Variants in RBM6 observed in about 807,000 individuals in gnomAD.
RBM6 encodes the protein RNA-binding protein 6.
In RBM6, 23 loss-of-function variants were observed where a neutral mutation model predicts 140.4. The ratio of observed to expected loss-of-function variants is 0.16; its 90% CI spans 0.12 to 0.23. The LOEUF is 0.23. RBM6 is among the 10% of genes least tolerant of loss of function. The pLI is 1.00. For missense variants in RBM6, 1,139 were observed against 1,386.7 expected, an observed-to-expected ratio of 0.82 and a Z score of 2.84; for synonymous variants, 439 against 475.6, an observed-to-expected ratio of 0.92 and a Z score of 1.00.
intron 5 of RBM6, among the ~76,000 whole-genome samples, chr3:49,994,547 G>GA (rs749192252): frequency 2.0e-5 from 3 of 152,096 alleles, no homozygotes; most frequent in Non-Finnish European, 4.4e-5. Flanking sequence ...ATGGAATTAG[G>GA]AAAACAGGAC....
At chr3:50,061,067 TC>T in intron 12 of RBM6, 69 bp downstream of exon 12, 1 of 1,607,756 alleles carries the variant, frequency 6.2e-7, no homozygotes, top group East Asian at 2.2e-5. Flanking sequence ...TCTTGAATTT[TC>T]TTTAGTGGGT....
At chr3:49,983,905 A>G (rs2085423671) in intron 5 of RBM6, among the ~76,000 whole-genome samples, 1 of 152,218 alleles carries the variant, frequency 6.6e-6, no homozygotes, top group South Asian at 2.1e-4. Context: ...TCAGTGCTGC[A>G]GGGATCAGGT....
intron 6 of RBM6, among the ~76,000 whole-genome samples, chr3:50,038,115 GC>G (rs1446759947): frequency 8.6e-5 from 13 of 151,902 alleles, no homozygotes; most frequent in Admixed American, 5.3e-4. Context: ...AGCCACCGCT[GC>G]CGGTTCCAAT....
chr3:50,001,700 T>C (rs925888761), intron 6 of RBM6, among the ~76,000 whole-genome samples: 3 of 152,152 alleles, frequency 2.0e-5, no homozygotes, highest in Non-Finnish European at 4.4e-5. Flanking sequence ...ATGCCAATTT[T>C]GGAGAGAAGA....
intron 18 of RBM6, 56 bp downstream of exon 18, chr3:50,068,820 T>C (rs1311344787): frequency 6.8e-6 from 10 of 1,470,202 alleles, no homozygotes; most frequent in South Asian, 3.4e-5. Flanking sequence ...CTTTCTGATA[T>C]AGACTTCATA....
chr3:50,060,630 T>C (rs1029144685), intron 11 of RBM6, among the ~76,000 whole-genome samples: 9 of 151,632 alleles, frequency 5.9e-5, no homozygotes, highest in Non-Finnish European at 4.4e-5. Flanking sequence ...GGTGGGCACC[T>C]GTAGTCCCAG....
At chr3:49,941,828 A>G (rs2083295577) in intron 1 of RBM6, among the ~76,000 whole-genome samples, 1 of 151,572 alleles carries the variant, frequency 6.6e-6, no homozygotes, top group Non-Finnish European at 1.5e-5. Flanking sequence ...TTGGCCTCCC[A>G]AAGTGCTGGG....
chr3:50,076,697 C>G (rs2090470723), intron 20 of RBM6, among the ~76,000 whole-genome samples: 1 of 151,930 alleles, frequency 6.6e-6, no homozygotes, highest in South Asian at 2.1e-4. Context: ...ACCAGCCTGG[C>G]CAACATGGCG....
At chr3:49,991,997 G>C (rs1011742207) in intron 5 of RBM6, among the ~76,000 whole-genome samples, 1 of 151,400 alleles carries the variant, frequency 6.6e-6, no homozygotes, top group African/African-American at 2.4e-5. Context: ...TGTAGCCCAG[G>C]CTGAAATGCA....
chr3:50,015,196 C>G (rs1471248832), intron 6 of RBM6, among the ~76,000 whole-genome samples: 1 of 151,292 alleles, frequency 6.6e-6, no homozygotes, highest in African/African-American at 2.4e-5. Flanking sequence ...AACCCCCCGC[C>G]TGCCAGGTTC....
chr3:49,984,618 ATCGCATCG>A (rs1559552752), intron 5 of RBM6, among the ~76,000 whole-genome samples: 5,576 of 148,682 alleles, frequency 0.038, 391 homozygotes, highest in African/African-American at 0.13. Flanking sequence ...ATCACATCGC[ATCGCATCG>A]CATCGCATCG....
intron 6 of RBM6, among the ~76,000 whole-genome samples, chr3:50,036,972 G>T (rs1452678362): frequency 6.6e-6 from 1 of 151,876 alleles, no homozygotes. Flanking sequence ...TTTTAGTAGA[G>T]ACGGGGCTTC....
chr3:49,975,335 T>G lies in RBM6; in HGVS notation c.1426T>G (p.Phe476Val). The G allele has an allele frequency of 6.2e-7, 1 of 1,613,286 alleles. No homozygotes were observed. The highest frequency in any genetic ancestry group is 8.5e-7 in the Non-Finnish European group (1 of 1,179,204). ...DATKEEILNAFRTPDGMPVKN... is the reference protein window; with the variant it reads ...DATKEEILNAVRTPDGMPVKN... ...CATATTTTTGCAGATTCTTAATGCT[T>G]TTCGGACTCCTGATGGCATGCCTGT... Residue 476 changes from phenylalanine (F) to valine (V), a missense_variant, in exon 5 of 21, where the codon TTT becomes GTT. Phe to Val is a conservative substitution (Grantham distance 50, BLOSUM62 -1). This residue lies in a region of RBM6 where 566 missense variants were observed against 612.7 expected (regional missense o/e 0.92). Coordinates refer to ENST00000266022, the MANE Select transcript of RBM6 (RefSeq NM_005777.3).
chr3:49,945,570 G>A (rs924928419), intron 1 of RBM6, among the ~76,000 whole-genome samples: 5 of 152,004 alleles, frequency 3.3e-5, no homozygotes, highest in African/African-American at 9.7e-5. Flanking sequence ...CCTTTACAGA[G>A]AAATTAAAAA....
At chr3:49,951,791 C>T (rs1169746687) in intron 1 of RBM6, among the ~76,000 whole-genome samples, 1 of 151,170 alleles carries the variant, frequency 6.6e-6, no homozygotes, top group Non-Finnish European at 1.5e-5. Context: ...GGCACAAACT[C>T]GGCTCACTGC....
chr3:49,975,643 A>G (rs2085032656), intron 5 of RBM6, among the ~76,000 whole-genome samples: 1 of 152,186 alleles, frequency 6.6e-6, no homozygotes, highest in Non-Finnish European at 1.5e-5. Flanking sequence ...TGTTGCAGCA[A>G]TTGCCTTGAA....
chr3:50,061,560 C>CT lies in RBM6; in HGVS notation c.2439+37dup, dbSNP rs10663019. On this transcript the variant is annotated intron_variant, in intron 14 of 20. Coordinates refer to ENST00000266022, the MANE Select transcript of RBM6 (RefSeq NM_005777.3). The stretch of plus-strand genomic sequence containing the variant: ...CCCCAATACCCAGGTGAGTTTGGGG[C>CT]TTTTTTTTTTTTTTTTTTTTTTTTA... 0.078 allele frequency: 92,176 copies of CT among 1,188,284 alleles called. 706 individuals carry two copies. Among genetic ancestry groups the CT allele is most frequent in the East Asian group, 0.13 (3,830 of 28,522 alleles). 73.6% of individuals were successfully genotyped at this position (1,188,284 alleles called of 1,614,324 possible).
At chr3:49,956,047 A>T (rs897197940) in intron 1 of RBM6, among the ~76,000 whole-genome samples, 1 of 148,240 alleles carries the variant, frequency 6.7e-6, no homozygotes, top group Non-Finnish European at 1.5e-5. Flanking sequence ...TTTTGAGAGC[A>T]TGAGACTGTT....
At chr3:50,023,763 C>T (rs1286340520) in intron 6 of RBM6, among the ~76,000 whole-genome samples, 1 of 150,358 alleles carries the variant, frequency 6.7e-6, no homozygotes, top group Non-Finnish European at 1.5e-5. Flanking sequence ...ATTCTCGTGC[C>T]TCAGCCTCTC....
Sources: gnomAD v4.1 joint callset for allele counts (sites outside exome capture counted in the v4.1 genomes callset) on GRCh38, gnomAD v4.1.1 for gene constraint, gnomAD v4.1.1 regional missense constraint, MANE v1.5 for transcripts, NCBI Gene and HGNC (gene_info 2026-07-23, HGNC 2026-07-21) for gene names.